ARL17A: variants seen among roughly 807,000 people sequenced by gnomAD.
The protein encoded by ARL17A is ARF like GTPase 17A.
chr17:46,558,349 C>T (rs1473760191), intron 3 of ARL17A, among the ~76,000 whole-genome samples: 7 of 108,226 alleles, frequency 6.5e-5, no homozygotes, highest in African/African-American at 2.0e-4. Flanking sequence ...TGCGAGCTAC[C>T]GCGCCTGGCT....
downstream of ARL17A, chr17:46,548,618 A>G (rs1159425771): frequency 6.2e-7 from 1 of 1,600,042 alleles, no homozygotes; most frequent in Non-Finnish European, 8.5e-7. Context: ...GTAGGCCAAA[A>G]CCGGCAGAGA....
intron 4 of ARL17A, among the ~76,000 whole-genome samples, chr17:46,530,091 T>G (rs1022861564): frequency 6.9e-6 from 1 of 145,772 alleles, no homozygotes; most frequent in Non-Finnish European, 1.5e-5. Context: ...AGGGTCTCAC[T>G]TTGTTACCCA....
chr17:46,548,893 T>C (rs1161780947), downstream of ARL17A: 5 of 1,612,454 alleles, frequency 3.1e-6, no homozygotes, highest in Non-Finnish European at 4.2e-6. Context: ...GAAACCCTTC[T>C]CCAAGGGCGC....
chr17:46,543,536 A>G (rs1329958077), intron 3 of ARL17A, among the ~76,000 whole-genome samples: 3 of 150,910 alleles, frequency 2.0e-5, no homozygotes, highest in Non-Finnish European at 2.9e-5. Flanking sequence ...AGTTCCATTG[A>G]GTGATGATAG....
At chr17:46,500,974 G>T in the ARL17A span, among the ~76,000 whole-genome samples, 2 of 151,198 alleles carry the variant, frequency 1.3e-5, no homozygotes. Flanking sequence ...GAGGTGAGGA[G>T]TTTGAGACCA....
chr17:46,500,660 C>A, the ARL17A span, among the ~76,000 whole-genome samples: 2 of 151,146 alleles, frequency 1.3e-5, no homozygotes, highest in Non-Finnish European at 1.5e-5. Context: ...GTGATAATAG[C>A]AAATCCCTTG....
the ARL17A span, among the ~76,000 whole-genome samples, chr17:46,502,572 G>T: frequency 6.6e-6 from 1 of 151,184 alleles, no homozygotes; most frequent in Non-Finnish European, 1.5e-5. Flanking sequence ...AAAGTGCTGG[G>T]ATTACAGGCA....
At position 46,568,514 on chromosome 17, in the gene ARL17A, A is replaced by C. The variant is rs2552440; in HGVS notation, c.259+2245T>G. On this transcript the variant is annotated intron_variant, in intron 3 of 3. Transcript: ENST00000336125. ...AGCAGTTAAAAAAAAAAAAAAAAAG[A>C]GGGGGGGAGGCCAGGCGAGGTGGCT... is the stretch of plus-strand genomic sequence containing the variant. Among the ~76,000 whole-genome samples the C allele has an allele frequency of 5.8e-3, 637 of 109,052 alleles. 101 individuals carry two copies. The highest frequency in any genetic ancestry group is 0.017 in the African/African-American group (435 of 25,510). The allele number at this position is 109,052 out of a possible 152,430, so 71.5% of individuals were successfully genotyped here.
downstream of ARL17A, among the ~76,000 whole-genome samples, chr17:46,550,960 T>C (rs1456040807): frequency 1.4e-4 from 21 of 149,426 alleles, no homozygotes; most frequent in Non-Finnish European, 4.4e-5. Flanking sequence ...TGTAGACTTA[T>C]TAGATTTACA....
intron 3 of ARL17A, among the ~76,000 whole-genome samples, chr17:46,542,810 A>G (rs1260604448): frequency 2.7e-5 from 4 of 150,632 alleles, no homozygotes; most frequent in Non-Finnish European, 5.9e-5. Flanking sequence ...ACCAGCCCCC[A>G]CAATATGGCA....
At chr17:46,501,294 G>C in the ARL17A span, among the ~76,000 whole-genome samples, 1 of 151,072 alleles carries the variant, frequency 6.6e-6, no homozygotes, top group African/African-American at 2.5e-5. Context: ...TCCTGCCTCA[G>C]CCTCCTGAGT....
the ARL17A span, among the ~76,000 whole-genome samples, chr17:46,502,576 A>G: frequency 1.3e-5 from 2 of 151,244 alleles, no homozygotes; most frequent in Non-Finnish European, 2.9e-5. Context: ...TGCTGGGATT[A>G]CAGGCATGAG....
Position 46,534,241 on chromosome 17 carries a change from G to A in ARL17A, c.335+4110C>T, listed in dbSNP as rs540954272. ...TATTGATCATTCTTGGGTGTTTCTCGCAGAGGGGGATTTGGCAGGGTCATA... is the reference window on the plus strand; with the variant it reads ...TATTGATCATTCTTGGGTGTTTCTCACAGAGGGGGATTTGGCAGGGTCATA... On this transcript the variant is annotated intron_variant, in intron 4 of 4. Coordinates refer to the ARL17A transcript ENST00000329240. 2.9e-3 allele frequency among the ~76,000 whole-genome samples: 418 copies of A among 145,498 alleles called. 13 individuals carry two copies. The highest frequency in any genetic ancestry group is 0.01 in the African/African-American group (385 of 36,700).
chr17:46,543,594 T>C (rs1250036310), intron 3 of ARL17A, among the ~76,000 whole-genome samples: 1 of 150,792 alleles, frequency 6.6e-6, no homozygotes, highest in Non-Finnish European at 1.5e-5. Flanking sequence ...GGCTGCACAC[T>C]GAAGTCTTCA....
intron 3 of ARL17A, chr17:46,559,063 T>G (rs2057466534): frequency 1.3e-5 from 1 of 79,238 alleles, no homozygotes; most frequent in Non-Finnish European, 2.2e-5. Flanking sequence ...CATCTTCAGC[T>G]GGAGGTGAGC....
intron 3 of ARL17A, chr17:46,540,255 C>CTATAGT: frequency 6.4e-7 from 1 of 1,551,932 alleles, no homozygotes; most frequent in Middle Eastern, 2.0e-4. Flanking sequence ...TCTGTAAGTA[C>CTATAGT]TATAGTACTC....
At position 46,553,919 on chromosome 17, in the gene ARL17A, TGGGAAA is replaced by T. The variant is rs2057085350; in HGVS notation, c.*3431_*3436del. 1.4e-6 allele frequency: 1 copy of T among 736,738 alleles called. No homozygotes were observed. 45.6% of individuals were successfully genotyped at this position (736,738 alleles called of 1,614,324 possible). A position where few individuals can be genotyped will look rare whatever the true frequency, so the allele number is the denominator to read the frequency against. ...AGGCCAGGGGCCTTCTTGGAGGCTC[TGGGAAA>T]GGGGAAGGGAAGGCCACCGGGTGTG... On this transcript the variant is annotated 3_prime_UTR_variant, in exon 4 of 4. Transcript: ENST00000336125.
intron 3 of ARL17A, among the ~76,000 whole-genome samples, chr17:46,545,798 G>T (rs2056220118): frequency 6.7e-6 from 1 of 148,586 alleles, no homozygotes; most frequent in South Asian, 2.1e-4. Flanking sequence ...TGCAGTCTTT[G>T]TTATTTTTTA....
intron 3 of ARL17A, among the ~76,000 whole-genome samples, chr17:46,558,279 C>T (rs1377089235): frequency 9.3e-6 from 1 of 107,382 alleles, no homozygotes; most frequent in Non-Finnish European, 1.8e-5. Flanking sequence ...AGGCTGGTCT[C>T]GAACTCCTGA....
Sources: gnomAD v4.1 joint callset for allele counts (sites outside exome capture counted in the v4.1 genomes callset) on GRCh38, gnomAD v4.1.1 for gene constraint, MANE v1.5 for transcripts, NCBI Gene and HGNC (gene_info 2026-07-23, HGNC 2026-07-21) for gene names.